ETS1: variants seen among roughly 807,000 people sequenced by gnomAD.
ETS1 encodes ETS proto-oncogene 1, transcription factor.
A neutral mutation model predicts 58.6 loss-of-function variants in ETS1; 15 were observed. That is an observed-to-expected ratio of 0.26 (90% CI 0.17 to 0.39). ETS1 has a LOEUF of 0.39. ETS1 is among the 10% of genes least tolerant of loss of function. ETS1 has a pLI of 1.00. For synonymous variants in ETS1, 214 were observed against 218.2 expected (o/e 0.98, Z 0.17); for missense variants, 417 against 610.5 (o/e 0.68, Z 3.34).
intron 1 of ETS1, among the ~76,000 whole-genome samples, chr11:128,584,758 G>T (rs908944609): frequency 6.6e-6 from 1 of 151,638 alleles, no homozygotes; most frequent in African/African-American, 2.4e-5. Context: ...AAACTTAAAA[G>T]ATTTGCCTGA....
rs376662624 is a variant in ETS1 at position 128,540,837 on chromosome 11, C to T, written c.214+15454G>A. ...TGGAGTCTAAGCTCATCTCTGAAAG[C>T]GGCAGGAAGGCCACGGAGAGGCCAG... On this transcript the variant is annotated intron_variant, in intron 3 of 9. Transcript: ENST00000392668. Among the ~76,000 whole-genome samples the T allele has an allele frequency of 1.5e-3, 234 of 152,262 alleles. 2 individuals are homozygous for T. The highest frequency in any genetic ancestry group is 1.2e-3 in the East Asian group (6 of 5,188).
chr11:128,515,867 A>C (rs1863509616), intron 3 of ETS1, among the ~76,000 whole-genome samples: 1 of 152,232 alleles, frequency 6.6e-6, no homozygotes, highest in Admixed American at 6.5e-5. Flanking sequence ...GAAAAGTGGA[A>C]GGGGCAGTAA....
intron 8 of ETS1, among the ~76,000 whole-genome samples, chr11:128,474,908 G>C (rs986998042): frequency 1.3e-5 from 2 of 152,234 alleles, no homozygotes; most frequent in African/African-American, 4.8e-5. Context: ...CATTGAGACT[G>C]TGATGGCTTC....
chr11:128,566,289 TGAA>T (rs962006255), intron 2 of ETS1, among the ~76,000 whole-genome samples: 4 of 151,688 alleles, frequency 2.6e-5, no homozygotes, highest in African/African-American at 9.7e-5. Flanking sequence ...AATCAAAAAG[TGAA>T]GAATAGAAAG....
At position 128,464,824 on chromosome 11, in the gene ETS1, C is replaced by T. The variant is rs1861990906; in HGVS notation, c.1124-1197G>A. Among the ~76,000 whole-genome samples, 1 of 152,176 alleles carries T rather than the reference C, an allele frequency of 6.6e-6. No individual in the cohort carries two copies. Among genetic ancestry groups the T allele is most frequent in the Admixed American group, 6.5e-5 (1 of 15,286 alleles). On this transcript the variant is annotated intron_variant, in intron 8 of 9. Coordinates refer to ENST00000392668, the MANE Select transcript of ETS1 (RefSeq NM_001143820.2). The surrounding 1 kb of genome is among the most constrained non-coding windows in gnomAD (Gnocchi z 4.1). ...CCTTCATAATCCATAAGGGTAATGT[C>T]TTGTTGTATCTCATATTTCTACAAG...
chr11:128,518,153 C>A (rs1447599146), intron 3 of ETS1, among the ~76,000 whole-genome samples: 1 of 152,178 alleles, frequency 6.6e-6, no homozygotes, highest in Non-Finnish European at 1.5e-5. Flanking sequence ...GAGAGCTGGA[C>A]TTCAAGACAC....
chr11:128,584,556 G>C (rs1864935477), intron 1 of ETS1, among the ~76,000 whole-genome samples: 1 of 152,196 alleles, frequency 6.6e-6, no homozygotes, highest in Non-Finnish European at 1.5e-5. Context: ...AACATACCAA[G>C]TGCTCAGTAA....
chr11:128,536,406 G>A (rs1355483296), intron 3 of ETS1: 3 of 152,148 alleles, frequency 2.0e-5, no homozygotes, highest in Non-Finnish European at 4.4e-5. Flanking sequence ...AAAAATATAA[G>A]ATGCATATAG....
At chr11:128,465,322 C>G (rs1261274550) in intron 8 of ETS1, among the ~76,000 whole-genome samples, 1 of 152,188 alleles carries the variant, frequency 6.6e-6, no homozygotes, top group African/African-American at 2.4e-5. Context: ...AAGTAACATT[C>G]GAACAACAGC....
intron 1 of ETS1, among the ~76,000 whole-genome samples, chr11:128,576,927 C>T (rs1188678577): frequency 6.6e-6 from 1 of 152,144 alleles, no homozygotes; most frequent in Non-Finnish European, 1.5e-5. Context: ...CCACGCTTCA[C>T]CCCAGCCAGG....
intron 2 of ETS1, among the ~76,000 whole-genome samples, chr11:128,569,334 T>TTTTTTTTTG: frequency 7.8e-6 from 1 of 128,564 alleles, no homozygotes; most frequent in Non-Finnish European, 1.7e-5. Flanking sequence ...TTTTTTTTTT[T>TTTTTTTTTG]TTTTTTTTGG....
At chr11:128,570,708 C>T (rs1864609198) in intron 2 of ETS1, among the ~76,000 whole-genome samples, 1 of 152,086 alleles carries the variant, frequency 6.6e-6, no homozygotes, top group African/African-American at 2.4e-5. Flanking sequence ...TCTACAATAT[C>T]GTCTTTAAGG....
At chr11:128,488,993 AG>A (rs1862718615) in intron 5 of ETS1, among the ~76,000 whole-genome samples, 1 of 152,256 alleles carries the variant, frequency 6.6e-6, no homozygotes, top group Non-Finnish European at 1.5e-5. Flanking sequence ...TTGTTCAACC[AG>A]GGCATGGGTT....
At chr11:128,544,096 T>A (rs954703435) in intron 3 of ETS1, among the ~76,000 whole-genome samples, 2 of 152,126 alleles carry the variant, frequency 1.3e-5, no homozygotes, top group Non-Finnish European at 2.9e-5. Flanking sequence ...AAGAGATGTG[T>A]GGATACATGT....
chr11:128,526,941 T>A (rs1245822193), intron 3 of ETS1: 1 of 456,182 alleles, frequency 2.2e-6, no homozygotes, highest in Admixed American at 2.3e-5. Context: ...GGCCACACAA[T>A]CTAAAAAAGT....
At chr11:128,521,161 C>A (rs1411662949) in intron 3 of ETS1, among the ~76,000 whole-genome samples, 1 of 152,064 alleles carries the variant, frequency 6.6e-6, no homozygotes, top group Non-Finnish European at 1.5e-5. Context: ...ACTTCCTATC[C>A]TTCTCTTCTT....
chr11:128,475,847 G>A (rs966526708), intron 8 of ETS1, among the ~76,000 whole-genome samples: 3 of 151,858 alleles, frequency 2.0e-5, no homozygotes, highest in Admixed American at 6.6e-5. Flanking sequence ...CACCGCACCC[G>A]GCCCGGGGCT....
chr11:128,572,210 T>G (rs913683785), intron 2 of ETS1: 3 of 151,120 alleles, frequency 2.0e-5, no homozygotes, highest in Non-Finnish European at 4.4e-5. Flanking sequence ...AAGATAGAGG[T>G]TGGAGTGAGC....
rs572769068 is a variant in ETS1, at chr11:128,564,922, G to GT, written c.69+8139dup. ...CTACACAATGGAGTTTGGGTTTTTT[G>GT]TTTTTTTTTGTTTTTTCCAGAATCA... is the stretch of plus-strand genomic sequence containing the variant. On this transcript the variant is annotated intron_variant, in intron 2 of 9. Transcript: ENST00000392668. Among the ~76,000 whole-genome samples, 257 of 148,798 alleles carry GT rather than the reference G, an allele frequency of 1.7e-3. 2 individuals are homozygous for GT. Among genetic ancestry groups the GT allele is most frequent in the East Asian group, 0.016 (83 of 5,102 alleles).
Sources: gnomAD v4.1 joint callset for allele counts (sites outside exome capture counted in the v4.1 genomes callset) on GRCh38, gnomAD v4.1.1 for gene constraint, Gnocchi (gnomAD v3.1) non-coding constraint, MANE v1.5 for transcripts, NCBI Gene and HGNC (gene_info 2026-07-23, HGNC 2026-07-21) for gene names.